Variants in SLC7A4 observed in about 807,000 individuals in gnomAD.
The protein encoded by SLC7A4 is solute carrier family 7 member 4.
SLC7A4 carries 30 observed loss-of-function variants against 37.8 expected under a neutral mutation model. That is an observed-to-expected ratio of 0.79 (90% CI 0.59 to 1.08). The LOEUF (loss-of-function observed/expected upper bound fraction) is 1.08, where lower values mean the gene tolerates loss of function less well. Among genes scored for constraint, SLC7A4 ranks in the 50% least tolerant of loss-of-function variants. The probability of loss-of-function intolerance (pLI) is 0.00; values close to 1 mark genes in which losing one functional copy is unlikely to be tolerated. For missense variants in SLC7A4, 839 were observed against 843.2 expected (o/e 1.00, Z 0.06); for synonymous variants, 359 against 376.5 (o/e 0.95, Z 0.54).
intron 4 of SLC7A4, 37 bp downstream of exon 4, chr22:21,029,296 CCCT>C: frequency 6.2e-7 from 1 of 1,611,652 alleles, no homozygotes; most frequent in Non-Finnish European, 8.5e-7. Context: ...GTCCTCTTTG[CCCT>C]CCTCCTGACC....
Position 21,031,704 on chromosome 22 carries a change from GGCAGCGCC to G in SLC7A4, c.101_108del (p.Arg34ProfsTer118), listed in dbSNP as rs779640738. On this transcript the variant is annotated frameshift_variant, in exon 2 of 5. Coordinates refer to ENST00000382932, the MANE Select transcript of SLC7A4 (RefSeq NM_004173.3). LOFTEE classifies it high-confidence loss of function. ...AGAAGAGTCAGGTCCAGCGTGGACAGGCAGCGCCGCAGTGACGTCTCCATGGTGGAGTC... is the reference window on the plus strand; with the variant it reads ...AGAAGAGTCAGGTCCAGCGTGGACAGGCAGTGACGTCTCCATGGTGGAGTC... 1.6e-5 allele frequency: 26 copies of G among 1,613,138 alleles called. No individual in the cohort carries two copies. The highest frequency in any genetic ancestry group is 2.1e-5 in the Non-Finnish European group (25 of 1,179,676).
At chr22:21,031,919 G>A in intron 1 of SLC7A4, 67 bp from the exon 2 acceptor site, 2 of 1,166,582 alleles carry the variant, frequency 1.7e-6, no homozygotes, top group Non-Finnish European at 1.1e-6. Flanking sequence ...ATCCCTCCTG[G>A]TCTGACCACC....
chr22:21,029,454 C>G lies in SLC7A4; in HGVS notation c.1624-10G>C, dbSNP rs1024555453. ...GGGGAACCATGGGGATCTGAGGAGG[C>G]AGAGGCAGGGCAGGGCTGGGCCGGG... On this transcript the variant is annotated splice_polypyrimidine_tract_variant and intron_variant, in intron 3 of 4. Transcript: ENST00000382932. 1 of 1,597,760 alleles carries G rather than the reference C, an allele frequency of 6.3e-7. No individual in the cohort carries two copies. The highest frequency in any genetic ancestry group is 1.7e-5 in the Admixed American group (1 of 60,004).
intron 1 of SLC7A4, among the ~76,000 whole-genome samples, chr22:21,032,256 G>T (rs536052090): frequency 1.3e-5 from 2 of 152,192 alleles, no homozygotes; most frequent in African/African-American, 4.8e-5. Flanking sequence ...GCGGCTCTGC[G>T]TCGGGGCGGG....
Position 21,031,806 on chromosome 22 carries a change from G to A in SLC7A4, c.7C>T (p.Arg3Trp), listed in dbSNP as rs370934613. The A allele has an allele frequency of 7.0e-5, 104 of 1,495,464 alleles. No individual in the cohort carries two copies. Among genetic ancestry groups the A allele is most frequent in the East Asian group, 1.2e-4 (5 of 42,676 alleles). 92.6% of individuals were successfully genotyped at this position (1,495,464 alleles called of 1,614,324 possible). MA[R>W]GLPTIASLAR... ...AGGCTAGCAATGGTGGGCAGCCCCC[G>A]GGCCATGGCAGGTGGCCGAGAAGAG... Residue 3 changes from arginine to tryptophan, a missense_variant, in exon 2 of 5, where the codon CGG (arginine) becomes TGG (tryptophan). Coordinates refer to ENST00000382932, the MANE Select transcript of SLC7A4 (RefSeq NM_004173.3).
In SLC7A4 at chr22:21,029,208, A is replaced by G; in HGVS notation, c.1755T>C (p.Tyr585=). 6.2e-7 allele frequency: 1 copy of G among 1,613,898 alleles called. No individual in the cohort carries two copies. Among genetic ancestry groups the G allele is most frequent in the South Asian group, 1.1e-5 (1 of 91,068 alleles). Residue 585 remains tyrosine (Y), a synonymous_variant, in exon 5 of 5, where the codon TAT becomes TAC. Coordinates refer to ENST00000382932, the MANE Select transcript of SLC7A4 (RefSeq NM_004173.3). ...GGTTCTCCTTGCTATGCCGGATGCC[A>G]TAGCCGAAATACACTGCAAGTCCTA... ...LLMGLAVYFG[Y]GIRHSKENQR...
Position 21,030,962 on chromosome 22 carries a change from A to G in SLC7A4, c.851T>C (p.Ile284Thr), listed in dbSNP as rs772625697. 5 of 1,613,896 alleles carry G rather than the reference A, an allele frequency of 3.1e-6. No homozygotes were observed. In the East Asian group the frequency reaches 1.1e-4, roughly 36 times the overall value. Residue 284 changes from isoleucine to threonine, a missense_variant, in exon 2 of 5, where the codon ATC (isoleucine) becomes ACC (threonine). By Grantham distance (89) the Ile-to-Thr change is moderately conservative. Transcript: ENST00000382932. Reference sequence around the variant, plus strand: ...GAGGGTTAGCACGGTGGAGACAAGGATGTAGGCACCAGCTGCAATGGCAAG... The same window carrying G: ...GAGGGTTAGCACGGTGGAGACAAGGGTGTAGGCACCAGCTGCAATGGCAAG... ...ISLAIAAGAY[I>T]LVSTVLTLMV...
At position 21,028,885 on chromosome 22, in the gene SLC7A4, G is replaced by A; in HGVS notation, c.*170C>T. 1.6e-6 allele frequency: 1 copy of A among 633,954 alleles called. No individual in the cohort carries two copies. The highest frequency in any genetic ancestry group is 2.7e-6 in the Non-Finnish European group (1 of 376,550). The allele number at this position is 633,954 out of a possible 1,614,324, so 39.3% of individuals were successfully genotyped here. On this transcript the variant is annotated 3_prime_UTR_variant, in exon 5 of 5. Transcript: ENST00000382932. Reference sequence around the variant, plus strand: ...CCAGCACCAGCCAAGGCCCACTCCTGAAGACCCGAAGCCCAGCCCCTGGAT... The same window carrying A: ...CCAGCACCAGCCAAGGCCCACTCCTAAAGACCCGAAGCCCAGCCCCTGGAT...
rs1000874126 is a variant in SLC7A4, at chr22:21,029,175, C to T, written c.1788G>A (p.Glu596=). Reference sequence around the variant, plus strand: ...AGTGTGTGGAGTTCAGCCCTGGCAGCTCCCGCTGGTTCTCCTTGCTATGCC... The same window carrying T: ...AGTGTGTGGAGTTCAGCCCTGGCAGTTCCCGCTGGTTCTCCTTGCTATGCC... The part of the protein sequence containing the change: ...GIRHSKENQR[E]LPGLNSTHYV... Residue 596 remains glutamate, a synonymous_variant, in exon 5 of 5, where the codon GAG becomes GAA. Transcript: ENST00000382932. 3.1e-6 allele frequency: 5 copies of T among 1,614,046 alleles called. No homozygotes were observed. Among genetic ancestry groups the T allele is most frequent in the Non-Finnish European group, 3.4e-6 (4 of 1,180,028 alleles).
At chr22:21,029,517 C>A in intron 3 of SLC7A4, 73 bp from the exon 4 acceptor site, 1 of 1,318,050 alleles carries the variant, frequency 7.6e-7, no homozygotes, top group Non-Finnish European at 1.1e-6. Flanking sequence ...CTCACTTTCT[C>A]GGGAATCCAT....
rs1928867508 is a variant in SLC7A4, at chr22:21,031,084, G to A, written c.729C>T (p.Ser243=). ...CGAAGCCCACGAAAGCATAGAAGCA[G>A]GAGGCAGTGCCGGCCATGACGCCGG... is the stretch of plus-strand genomic sequence containing the variant. ...GFSGVMAGTA[S]CFYAFVGFDV... The change falls in exon 2 of 5, where the codon TCC becomes TCT. Residue 243 remains serine (S), a synonymous_variant. Coordinates refer to ENST00000382932, the MANE Select transcript of SLC7A4 (RefSeq NM_004173.3). 2 of 1,614,140 alleles carry A rather than the reference G, an allele frequency of 1.2e-6. No individual in the cohort carries two copies. The highest frequency in any genetic ancestry group is 4.5e-5 in the East Asian group (2 of 44,880).
In SLC7A4 at chr22:21,031,394, T is replaced by C; in HGVS notation, c.419A>G (p.Tyr140Cys). 1 of 1,609,868 alleles carries C rather than the reference T, an allele frequency of 6.2e-7. No homozygotes were observed. Among genetic ancestry groups the C allele is most frequent in the Non-Finnish European group, 8.5e-7 (1 of 1,178,434 alleles). ...GCTGTGGCTGAACATAGAGTCCAGGTAGCCACTCCAGGCACGGGCCACGGC... is the reference window on the plus strand; with the variant it reads ...GCTGTGGCTGAACATAGAGTCCAGGCAGCCACTCCAGGCACGGGCCACGGC... ...GAAVARAWSG[Y>C]LDSMFSHSIR... is the part of the protein sequence containing the mutation. The change falls in exon 2 of 5, where the codon TAC becomes TGC. Residue 140 changes from tyrosine (Y) to cysteine (C), a missense_variant. Tyr to Cys is a radical substitution (Grantham distance 194, BLOSUM62 -2). Transcript: ENST00000382932.
chr22:21,029,610 C>T, intron 3 of SLC7A4, 101 bp downstream of exon 3: 5 of 1,331,068 alleles, frequency 3.8e-6, no homozygotes, highest in Non-Finnish European at 5.3e-6. Flanking sequence ...GTGTGTGGTC[C>T]TCCCCAGCCC....
Position 21,029,337 on chromosome 22 carries a change from C to T in SLC7A4, c.1731G>A (p.Met577Ile). Reference protein sequence around the residue: ...TWVRFSIWLLMGLAVYFGYGI... With the variant: ...TWVRFSIWLLIGLAVYFGYGI... The stretch of plus-strand genomic sequence containing the variant: ...GGTCCCAGCCTGGCCCCCACTCACC[C>T]ATCAGCAGCCAGATGGAGAAGCGCA... The change falls in exon 4 of 5, where the codon ATG becomes ATA. Residue 577 changes from methionine (M) to isoleucine (I), a missense_variant and splice_region_variant. Coordinates refer to ENST00000382932, the MANE Select transcript of SLC7A4 (RefSeq NM_004173.3). 1.2e-6 allele frequency: 2 copies of T among 1,613,350 alleles called. No individual in the cohort carries two copies. Among genetic ancestry groups the T allele is most frequent in the Non-Finnish European group, 1.7e-6 (2 of 1,179,564 alleles).
In SLC7A4 at chr22:21,028,946, G is replaced by A; in HGVS notation, c.*109C>T. 3 of 1,188,988 alleles carry A rather than the reference G, an allele frequency of 2.5e-6. No individual in the cohort carries two copies. Among genetic ancestry groups the A allele is most frequent in the Non-Finnish European group, 2.3e-6 (2 of 866,240 alleles). The allele number at this position is 1,188,988 out of a possible 1,614,324, so 73.7% of individuals were successfully genotyped here. On this transcript the variant is annotated 3_prime_UTR_variant, in exon 5 of 5. Transcript: ENST00000382932. ...AGGTCCTGAGGACTCCCCAGCCTGTGCAGGCCTGCAAACCCAGGCTGCCCA... is the reference window on the plus strand; with the variant it reads ...AGGTCCTGAGGACTCCCCAGCCTGTACAGGCCTGCAAACCCAGGCTGCCCA...
Position 21,031,281 on chromosome 22 carries a change from G to A in SLC7A4, c.532C>T (p.Leu178Phe). ...YPDFLAAGIILLASAFVSCGA... is the reference protein window; with the variant it reads ...YPDFLAAGIIFLASAFVSCGA... ...CAGGAGACAAAGGCAGAGGCCAGGA[G>A]GATGATGCCAGCAGCCAGGAAGTCC... is the stretch of plus-strand genomic sequence containing the variant. Residue 178 changes from leucine to phenylalanine, a missense_variant, in exon 2 of 5, where the codon CTC (leucine) becomes TTC (phenylalanine). Transcript: ENST00000382932. 3 of 1,611,590 alleles carry A rather than the reference G, an allele frequency of 1.9e-6. No homozygotes were observed. Among genetic ancestry groups the A allele is most frequent in the Non-Finnish European group, 2.5e-6 (3 of 1,178,830 alleles).
In SLC7A4 at chr22:21,029,355, G is replaced by C. The variant is rs1397625083; in HGVS notation, c.1713C>G (p.Phe571Leu). The change falls in exon 4 of 5, where the codon TTC (phenylalanine) becomes TTG (leucine). Residue 571 changes from phenylalanine (F) to leucine (L), a missense_variant. Phe to Leu is a conservative substitution (Grantham distance 22, BLOSUM62 0). Coordinates refer to ENST00000382932, the MANE Select transcript of SLC7A4 (RefSeq NM_004173.3). ...LKLSYLTWVR[F>L]SIWLLMGLAV... is the part of the protein sequence containing the mutation. ...ACTCACCCATCAGCAGCCAGATGGA[G>C]AAGCGCACCCAGGTCAGATAGCTAA... 6.2e-7 allele frequency: 1 copy of C among 1,613,718 alleles called. No homozygotes were observed. The highest frequency in any genetic ancestry group is 8.5e-7 in the Non-Finnish European group (1 of 1,179,860).
chr22:21,030,038 G>T lies in SLC7A4; in HGVS notation c.1296C>A (p.Thr432=). The T allele has an allele frequency of 6.2e-7, 1 of 1,613,148 alleles. No homozygotes were observed. Among genetic ancestry groups the T allele is most frequent in the Non-Finnish European group, 8.5e-7 (1 of 1,179,658 alleles). The change falls in exon 3 of 5, where the codon ACC becomes ACA. Residue 432 remains threonine (T), a synonymous_variant. Coordinates refer to ENST00000382932, the MANE Select transcript of SLC7A4 (RefSeq NM_004173.3). ...GGTCTGAGAAGGAGCTCTGCTGCTT[G>T]GTCAGGGGGCCAGGGCTGGCTGGGC... ...SPGPASPGPL[T]KQQSSFSDHL...
rs759478605 is a variant in SLC7A4 at position 21,030,996 on chromosome 22, C to T, written c.817G>A (p.Ala273Thr). The T allele has an allele frequency of 9.9e-6, 16 of 1,613,880 alleles. No homozygotes were observed. Among genetic ancestry groups the T allele is most frequent in the Non-Finnish European group, 1.3e-5 (15 of 1,179,960 alleles). The change falls in exon 2 of 5, where the codon GCC becomes ACC. Residue 273 changes from alanine to threonine, a missense_variant. Transcript: ENST00000382932. Reference sequence around the variant, plus strand: ...CCAGCTGCAATGGCAAGCGAGATGGCGATGGCCAGAGGCACAGACCGCCGT... The same window carrying T: ...CCAGCTGCAATGGCAAGCGAGATGGTGATGGCCAGAGGCACAGACCGCCGT... ...NPRRSVPLAI[A>T]ISLAIAAGAY...
Sources: allele counts gnomAD v4.1 joint callset (sites outside exome capture counted in the v4.1 genomes callset), GRCh38; gene constraint gnomAD v4.1.1; transcripts MANE v1.5; gene names NCBI Gene and HGNC (gene_info 2026-07-23, HGNC 2026-07-21).